The following CASK variants were observed in gnomAD, a reference collection of about 807,000 sequenced individuals.
CASK encodes peripheral plasma membrane protein CASK.
CASK carries 4 observed loss-of-function variants against 82.9 expected under a neutral mutation model. That is an observed-to-expected ratio of 0.05 (90% CI 0.02 to 0.11). CASK has a LOEUF of 0.11. Ranked by LOEUF, CASK falls within the 10% of genes least tolerant of loss-of-function variation. The pLI is 1.00. For missense variants in CASK, 358 were observed against 720.9 expected (o/e 0.50, Z 5.76); for synonymous variants, 259 against 253.5 (o/e 1.02, Z -0.20).
chrX:41,780,392 T>C (rs891327276), intron 3 of CASK, among the ~76,000 whole-genome samples: 3 of 111,661 alleles, frequency 2.7e-5, no homozygotes, highest in Non-Finnish European at 5.6e-5. Context: ...TTATGTTGTA[T>C]TACCCCCATT....
At chrX:41,822,661 GATC>G (rs2070575250) in intron 2 of CASK, among the ~76,000 whole-genome samples, 1 of 109,727 alleles carries the variant, frequency 9.1e-6, no homozygotes. Context: ...TAAATGGCAG[GATC>G]ATTATTTGAA....
intron 5 of CASK, chrX:41,675,797 T>C (rs749161059): frequency 1.8e-4 from 222 of 1,201,911 alleles, no homozygotes; most frequent in Non-Finnish European, 2.2e-4. Context: ...TTCGTCTCCT[T>C]GGGTATCTGA....
chrX:41,712,085 G>A (rs1042959066), intron 5 of CASK, among the ~76,000 whole-genome samples: 1 of 112,461 alleles, frequency 8.9e-6, no homozygotes, highest in Non-Finnish European at 1.9e-5. Context: ...TGGCCATGGA[G>A]GTCCCTGATT....
rs2065128256 is a variant in CASK at position 41,553,749 on chromosome X, C to G, written c.2009G>C (p.Gly670Ala). The change falls in exon 21 of 27, where the codon GGT (glycine) becomes GCT (alanine). Residue 670 changes from glycine to alanine, a missense_variant. Gly to Ala is a moderately conservative substitution (Grantham distance 60). Around this residue, in one of 5 missense-constraint regions of CASK, gnomAD observed 19 missense variants for 64.8 expected, o/e 0.29. Coordinates refer to ENST00000378163, the MANE Select transcript of CASK (RefSeq NM_001367721.1). ...KLENSKNGTA[G>A]LIPSPELQEW... is the part of the protein sequence containing the mutation. ...CTGAAGTTCAGGAGAAGGAATGAGACCTGCAGTTCCATTTTTGGAGTTTTC... is the reference window on the plus strand; with the variant it reads ...CTGAAGTTCAGGAGAAGGAATGAGAGCTGCAGTTCCATTTTTGGAGTTTTC... 4 of 1,205,879 alleles carry G rather than the reference C, an allele frequency of 3.3e-6. No homozygotes were observed. Among genetic ancestry groups the G allele is most frequent in the Non-Finnish European group, 4.5e-6 (4 of 890,770 alleles).
At chrX:41,789,193 A>G (rs770381605) in intron 2 of CASK, among the ~76,000 whole-genome samples, 1 of 111,886 alleles carries the variant, frequency 8.9e-6, no homozygotes, top group South Asian at 3.8e-4. Context: ...GGCAGTGAGG[A>G]AAAGCCTACA....
Position 41,830,587 on chromosome X carries a change from A to G in CASK, c.172+22528T>C, listed in dbSNP as rs185908625. On this transcript the variant is annotated intron_variant, in intron 2 of 26. Transcript: ENST00000378163. ...TGTAATCCCAGCACTTTGGGAGGCC[A>G]AGGTGGGCGGATCATGAAGTCAGTA... Among the ~76,000 whole-genome samples the G allele has an allele frequency of 3.2e-3, 348 of 109,654 alleles. 2 individuals carry two copies. Among genetic ancestry groups the G allele is most frequent in the Admixed American group, 8.6e-3 (89 of 10,375 alleles).
At chrX:41,554,713 T>A (rs1200322224) in intron 20 of CASK, among the ~76,000 whole-genome samples, 1 of 111,763 alleles carries the variant, frequency 8.9e-6, no homozygotes, top group Admixed American at 9.5e-5. Flanking sequence ...TTTTATTTTT[T>A]AAATGCTTTA....
rs144322970 is a variant in CASK, at chrX:41,883,621, T to G, written c.60-30394A>C. On this transcript the variant is annotated intron_variant, in intron 1 of 26. Transcript: ENST00000378163. ...CTTACTAAAAACAAGAAGAAAAATA[T>G]CGACATTTTTTGACGAAACGATATT... Among the ~76,000 whole-genome samples, 184 of 111,559 alleles carry G rather than the reference T, an allele frequency of 1.6e-3. 1 individual carries two copies. The highest frequency in any genetic ancestry group is 5.7e-3 in the African/African-American group (176 of 30,726).
At chrX:41,524,083 T>C in intron 25 of CASK, 49 bp from the exon 26 acceptor site, 1 of 894,033 alleles carries the variant, frequency 1.1e-6, no homozygotes, top group Non-Finnish European at 1.6e-6. Context: ...AAGAAATAAC[T>C]AATGTAACTT....
At chrX:41,713,174 G>A (rs919820471) in intron 5 of CASK, among the ~76,000 whole-genome samples, 1 of 112,256 alleles carries the variant, frequency 8.9e-6, no homozygotes, top group African/African-American at 3.2e-5. Context: ...ATCAAGAAGG[G>A]TAGTCAATGT....
intron 6 of CASK, among the ~76,000 whole-genome samples, chrX:41,667,314 G>A (rs1167734794): frequency 9.0e-6 from 1 of 111,434 alleles, no homozygotes; most frequent in African/African-American, 3.3e-5. Flanking sequence ...AAAAAGGACT[G>A]GAGTTAATCT....
chrX:41,847,683 G>T (rs921230746), intron 2 of CASK, among the ~76,000 whole-genome samples: 1 of 111,968 alleles, frequency 8.9e-6, no homozygotes, highest in Non-Finnish European at 1.9e-5. Flanking sequence ...CTCCTTTTCT[G>T]CAGGATTTAT....
At chrX:41,747,137 T>C (rs1320891425) in intron 3 of CASK, among the ~76,000 whole-genome samples, 1 of 111,834 alleles carries the variant, frequency 8.9e-6, no homozygotes, top group African/African-American at 3.3e-5. Context: ...TGGTTTTATA[T>C]AAATGAATGA....
intron 1 of CASK, among the ~76,000 whole-genome samples, chrX:41,900,632 A>T (rs2072355093): frequency 1.2e-5 from 1 of 82,117 alleles, no homozygotes; most frequent in Non-Finnish European, 2.4e-5. Context: ...TTCCTTGTTG[A>T]ACTTCTCATA....
At chrX:41,749,498 G>C in intron 3 of CASK, among the ~76,000 whole-genome samples, 1 of 96,406 alleles carries the variant, frequency 1.0e-5, no homozygotes, top group Non-Finnish European at 2.0e-5. Flanking sequence ...TGAGTCTCCT[G>C]CCTCAGCCTC....
chrX:41,769,198 CTTT>C (rs759796998), intron 3 of CASK, among the ~76,000 whole-genome samples: 1 of 91,558 alleles, frequency 1.1e-5, no homozygotes, highest in Non-Finnish European at 2.2e-5. Flanking sequence ...TTTTCTTTTT[CTTT>C]TTTTTTTTTT....
intron 5 of CASK, among the ~76,000 whole-genome samples, chrX:41,675,252 T>A (rs2067249409): frequency 8.9e-6 from 1 of 112,132 alleles, no homozygotes. Flanking sequence ...GTGTGCACAT[T>A]GAGATTGAGT....
At chrX:41,784,732 C>T (rs897913265) in intron 3 of CASK, among the ~76,000 whole-genome samples, 2 of 109,767 alleles carry the variant, frequency 1.8e-5, no homozygotes, top group African/African-American at 6.6e-5. Context: ...AAAAATTAGC[C>T]GGGCATGGTG....
chrX:41,774,810 G>A (rs1330464424), intron 3 of CASK, among the ~76,000 whole-genome samples: 1 of 110,708 alleles, frequency 9.0e-6, no homozygotes, highest in Non-Finnish European at 1.9e-5. Flanking sequence ...AATAAATGGT[G>A]CTGGGAAAAC....
Sources: allele counts gnomAD v4.1 joint callset (sites outside exome capture counted in the v4.1 genomes callset), GRCh38; gene constraint gnomAD v4.1.1; regional missense constraint gnomAD v4.1.1; transcripts MANE v1.5; gene names NCBI Gene and HGNC (gene_info 2026-07-23, HGNC 2026-07-21).